Variants in SHB observed in about 807,000 individuals in gnomAD.
SHB encodes SH2 domain containing adaptor protein B, also known as SH2 domain-containing adapter protein B.
SHB carries 20 observed loss-of-function variants against 52.3 expected under a neutral mutation model. The observed-to-expected ratio is 0.38, with a 90% CI of 0.27 to 0.56. The LOEUF is 0.56. SHB is among the 20% of genes least tolerant of loss of function. The probability of loss-of-function intolerance (pLI) is 0.71; values close to 1 mark genes in which losing one functional copy is unlikely to be tolerated. For missense variants in SHB, 825 were observed against 723.3 expected (o/e 1.14, Z -1.61); for synonymous variants, 397 against 316.5 (o/e 1.25, Z -2.70).
At chr9:37,935,363 G>A (rs1407024252) in intron 5 of SHB, among the ~76,000 whole-genome samples, 1 of 152,142 alleles carries the variant, frequency 6.6e-6, no homozygotes, top group Non-Finnish European at 1.5e-5. Flanking sequence ...GGTTGTGTTC[G>A]GCCTCGGTGG....
At chr9:37,986,912 A>G (rs1220312228) in intron 2 of SHB, among the ~76,000 whole-genome samples, 24 of 152,228 alleles carry the variant, frequency 1.6e-4, no homozygotes, top group Non-Finnish European at 1.5e-5. Context: ...ACGAAGGGCC[A>G]GCGCCCCACA....
Position 37,957,116 on chromosome 9 carries a change from C to T in SHB, c.1055-1062G>A, listed in dbSNP as rs973939115. Among the ~76,000 whole-genome samples the T allele has an allele frequency of 5.9e-5, 9 of 152,168 alleles. No individual in the cohort carries two copies. The South Asian group carries it at 1.0e-3, about 18-fold the overall frequency. Reference sequence around the variant, plus strand: ...AAGGTCAGATAAGAGGATACTCCAGCGCCTGACACACAGAGGGTGCCTAAG... The same window carrying T: ...AAGGTCAGATAAGAGGATACTCCAGTGCCTGACACACAGAGGGTGCCTAAG... On this transcript the variant is annotated intron_variant, in intron 3 of 5. Coordinates refer to ENST00000377707, the MANE Select transcript of SHB (RefSeq NM_003028.3).
At chr9:37,976,941 A>G (rs1820664202) in intron 2 of SHB, among the ~76,000 whole-genome samples, 1 of 152,184 alleles carries the variant, frequency 6.6e-6, no homozygotes, top group African/African-American at 2.4e-5. Context: ...GCTCATGTGG[A>G]CACACGCCAC....
At chr9:38,057,532 G>T (rs140333871) in intron 1 of SHB, among the ~76,000 whole-genome samples, 1 of 152,182 alleles carries the variant, frequency 6.6e-6, no homozygotes, top group Non-Finnish European at 1.5e-5. Context: ...CTGAGGAACC[G>T]GCTCAGAGCA....
chr9:37,919,972 G>A lies in SHB; in HGVS notation c.1379C>T (p.Ala460Val), dbSNP rs749940686. The A allele has an allele frequency of 8.7e-6, 14 of 1,614,032 alleles. No individual in the cohort carries two copies. In the South Asian group the frequency reaches 1.2e-4, roughly 14 times the overall value. ...CAGAACGTATTTCTCTTTGGTTTTG[G>A]CCAGTTTCATGTGCATAAAACCCTG... ...SNQGFMHMKL[A>V]KTKEKYVLGQ... Residue 460 changes from alanine to valine, a missense_variant, in exon 6 of 6, where the codon GCC (alanine) becomes GTC (valine). Physicochemically the swap from Ala to Val is moderately conservative, Grantham distance 64. Transcript: ENST00000377707.
intron 1 of SHB, 39 bp downstream of exon 1, chr9:38,067,890 G>A (rs1821990947): frequency 7.0e-7 from 1 of 1,419,936 alleles, no homozygotes; most frequent in Non-Finnish European, 9.1e-7. Flanking sequence ...TGCGCACCGT[G>A]GCTCTGGAAC....
At chr9:38,059,536 G>A (rs961031646) in intron 1 of SHB, among the ~76,000 whole-genome samples, 7 of 152,210 alleles carry the variant, frequency 4.6e-5, no homozygotes, top group Non-Finnish European at 8.8e-5. Flanking sequence ...TAGTGCCGCT[G>A]AAAGTGAAAC....
rs113497333 is a variant in SHB at position 37,935,721 on chromosome 9, T to C, written c.1346+12914A>G. ...CAGCTAGTAAGACGCAGAATCGAGATCTGAACCAGGGAGGGATTCTGGCTC... is the reference window on the plus strand; with the variant it reads ...CAGCTAGTAAGACGCAGAATCGAGACCTGAACCAGGGAGGGATTCTGGCTC... On this transcript the variant is annotated intron_variant, in intron 5 of 5. Coordinates refer to ENST00000377707, the MANE Select transcript of SHB (RefSeq NM_003028.3). Among the ~76,000 whole-genome samples, 1,183 of 152,176 alleles carry C rather than the reference T, an allele frequency of 7.8e-3. 15 individuals carry two copies. Among genetic ancestry groups the C allele is most frequent in the African/African-American group, 0.027 (1,121 of 41,498 alleles).
At chr9:37,929,087 C>T (rs1832283700) in intron 5 of SHB, among the ~76,000 whole-genome samples, 1 of 152,234 alleles carries the variant, frequency 6.6e-6, no homozygotes, top group African/African-American at 2.4e-5. Context: ...TGTACGCAGC[C>T]CAGGCTCAGG....
chr9:37,952,905 C>A (rs1353129896), intron 4 of SHB, among the ~76,000 whole-genome samples: 1 of 152,044 alleles, frequency 6.6e-6, no homozygotes, highest in Non-Finnish European at 1.5e-5. Context: ...CAGGAAGCAA[C>A]TGGACGTAGG....
chr9:38,033,432 G>A (rs1470569598), intron 1 of SHB, among the ~76,000 whole-genome samples: 4 of 152,282 alleles, frequency 2.6e-5, no homozygotes, highest in South Asian at 2.1e-4. Context: ...CAGCTGGTGC[G>A]GTGGCTCATG....
intron 2 of SHB, 72 bp downstream of exon 2, chr9:38,015,939 C>A: frequency 6.6e-7 from 1 of 1,526,342 alleles, no homozygotes; most frequent in South Asian, 1.2e-5. Flanking sequence ...TGGGGACCAC[C>A]CGGCAGTGCC....
At position 37,916,396 on chromosome 9, in the gene SHB, G is replaced by A. The variant is rs141751398; in HGVS notation, c.*3425C>T. On this transcript the variant is annotated 3_prime_UTR_variant, in exon 6 of 6. Coordinates refer to ENST00000377707, the MANE Select transcript of SHB (RefSeq NM_003028.3). Reference sequence around the variant, plus strand: ...GACCCTGGCTGCCGGTCCTTGCCAGGCCCTTGGTCAATGATATCACCACTT... The same window carrying A: ...GACCCTGGCTGCCGGTCCTTGCCAGACCCTTGGTCAATGATATCACCACTT... Among the ~76,000 whole-genome samples, 125 of 152,382 alleles carry A rather than the reference G, an allele frequency of 8.2e-4. No homozygotes were observed. The highest frequency in any genetic ancestry group is 1.6e-3 in the Non-Finnish European group (108 of 68,040).
intron 3 of SHB, among the ~76,000 whole-genome samples, chr9:37,973,148 G>C (rs1035206236): frequency 6.6e-6 from 1 of 152,166 alleles, no homozygotes; most frequent in Non-Finnish European, 1.5e-5. Context: ...CCACACAGAC[G>C]CACAGAAATC....
At chr9:38,033,422 C>T (rs182692552) in intron 1 of SHB, among the ~76,000 whole-genome samples, 1 of 152,330 alleles carries the variant, frequency 6.6e-6, no homozygotes, top group Non-Finnish European at 1.5e-5. Flanking sequence ...ACCAATACCC[C>T]AGCTGGTGCG....
intron 3 of SHB, among the ~76,000 whole-genome samples, chr9:37,964,387 T>G (rs990324574): frequency 6.6e-6 from 1 of 152,044 alleles, no homozygotes; most frequent in Admixed American, 6.5e-5. Flanking sequence ...ATGCCTTTCT[T>G]CTCTTATTTG....
intron 2 of SHB, among the ~76,000 whole-genome samples, chr9:38,013,438 C>T (rs771401697): frequency 1.4e-4 from 21 of 152,280 alleles, no homozygotes; most frequent in African/African-American, 4.1e-4. Flanking sequence ...CCCGTCTCTA[C>T]TAAAACTACA....
chr9:37,985,534 C>T (rs902749140), intron 2 of SHB, among the ~76,000 whole-genome samples: 2 of 152,370 alleles, frequency 1.3e-5, no homozygotes, highest in South Asian at 2.1e-4. Flanking sequence ...CGCCATCCCC[C>T]GTGGAGACTC....
chr9:38,051,440 TAAAAAAAAAA>T (rs59860349), intron 1 of SHB, among the ~76,000 whole-genome samples: 1 of 107,540 alleles, frequency 9.3e-6, no homozygotes, highest in Non-Finnish European at 1.8e-5. Context: ...AGACTCCGTC[TAAAAAAAAAA>T]AAAAAAAAAA....
Sources: gnomAD v4.1 joint callset for allele counts (sites outside exome capture counted in the v4.1 genomes callset) on GRCh38, gnomAD v4.1.1 for gene constraint, MANE v1.5 for transcripts, NCBI Gene and HGNC (gene_info 2026-07-23, HGNC 2026-07-21) for gene names.